The following PCDHA2 variants were observed in gnomAD, a reference collection of about 807,000 sequenced individuals.
PCDHA2 encodes protocadherin alpha 2, also known as protocadherin alpha-2.
In PCDHA2, 58 loss-of-function variants were observed where a neutral mutation model predicts 66.0. That is an observed-to-expected ratio of 0.88 (90% CI 0.71 to 1.09). The LOEUF is 1.09. Among genes scored for constraint, PCDHA2 ranks in the 50% least tolerant of loss-of-function variants. The pLI is 0.00. For synonymous variants in PCDHA2, 634 were observed against 554.0 expected, an observed-to-expected ratio of 1.14 and a Z score of -2.03; for missense variants, 1,267 against 1,242.3, an observed-to-expected ratio of 1.02 and a Z score of -0.30.
intron 1 of PCDHA2, chr5:140,824,610 G>GTTTTTTTTTTTTTTTTTTTTTTTTT (rs782443702): frequency 3.2e-5 from 3 of 95,112 alleles, no homozygotes; most frequent in African/African-American, 9.7e-5. Context: ...GCTAATTAAA[G>GTTTTTTTTTTTTTTTTTTTTTTTTT]TTTTTTTTTT....
intron 3 of PCDHA2, among the ~76,000 whole-genome samples, chr5:140,983,328 T>G (rs1214241110): frequency 6.6e-6 from 1 of 152,218 alleles, no homozygotes; most frequent in East Asian, 1.9e-4. Flanking sequence ...ATTCTTGCCC[T>G]ATCACTAAAG....
At position 140,802,114 on chromosome 5, in the gene PCDHA2, G is replaced by T. The variant is rs370933207; in HGVS notation, c.2388+4762G>T. On this transcript the variant is annotated intron_variant, in intron 1 of 3. Coordinates refer to ENST00000526136, the MANE Select transcript of PCDHA2 (RefSeq NM_018905.3). ...GTCAATGGACAAATCAGTGTAAAGG[G>T]TAACATAGATTTCGAGGAAAGTAAG... is the stretch of plus-strand genomic sequence containing the variant. 11 of 1,614,082 alleles carry T rather than the reference G, an allele frequency of 6.8e-6. No homozygotes were observed. The African/African-American group carries it at 1.2e-4, about 18-fold the overall frequency.
intron 3 of PCDHA2, among the ~76,000 whole-genome samples, chr5:140,994,425 G>A (rs769335292): frequency 5.3e-5 from 8 of 152,118 alleles, no homozygotes; most frequent in African/African-American, 1.7e-4. Context: ...TATTGAGGCC[G>A]GGCGCAGTGG....
Position 140,849,622 on chromosome 5 carries a change from A to G in PCDHA2, c.2388+52270A>G. The G allele has an allele frequency of 1.9e-6, 3 of 1,598,702 alleles. 1 individual carries two copies. The highest frequency in any genetic ancestry group is 2.6e-6 in the Non-Finnish European group (3 of 1,167,960). On this transcript the variant is annotated intron_variant, in intron 1 of 3. Coordinates refer to ENST00000526136, the MANE Select transcript of PCDHA2 (RefSeq NM_018905.3). Reference sequence around the variant, plus strand: ...GTTATTGCCCTGATTAGTGTGATCGACCTAGACGCAGATGCCAACGGGCAG... The same window carrying G: ...GTTATTGCCCTGATTAGTGTGATCGGCCTAGACGCAGATGCCAACGGGCAG...
At chr5:140,937,329 G>T (rs1406340473) in intron 1 of PCDHA2, among the ~76,000 whole-genome samples, 1 of 152,050 alleles carries the variant, frequency 6.6e-6, no homozygotes, top group Admixed American at 6.5e-5. Flanking sequence ...GAGCCACCGC[G>T]CCCGGCTTCT....
intron 1 of PCDHA2, among the ~76,000 whole-genome samples, chr5:140,879,660 G>A (rs994440632): frequency 1.3e-5 from 2 of 152,154 alleles, no homozygotes; most frequent in East Asian, 1.9e-4. Flanking sequence ...TATAACAAAC[G>A]AACACAAACT....
intron 1 of PCDHA2, chr5:140,829,818 C>T: frequency 1.2e-6 from 2 of 1,613,864 alleles, no homozygotes; most frequent in Non-Finnish European, 1.7e-6. Flanking sequence ...ACTGGTGGTG[C>T]AGTGAGCGAG....
At chr5:140,836,422 C>T in intron 1 of PCDHA2, 1 of 1,613,788 alleles carries the variant, frequency 6.2e-7, no homozygotes, top group South Asian at 1.1e-5. Context: ...AAGGCGTCGT[C>T]GCGGGCATCG....
rs782499527 is a variant in PCDHA2, at chr5:140,871,070, C to T, written c.2388+73718C>T. ...GTACTGGTGAAGGATCACGGTGAGC[C>T]GGCGCTGACGGCCACGGCCACCGTG... On this transcript the variant is annotated intron_variant, in intron 1 of 3. Transcript: ENST00000526136. 11 of 1,613,094 alleles carry T rather than the reference C, an allele frequency of 6.8e-6. No homozygotes were observed. The South Asian group carries it at 9.9e-5, about 14-fold the overall frequency.
intron 1 of PCDHA2, among the ~76,000 whole-genome samples, chr5:140,912,832 TA>T (rs1188685241): frequency 1.3e-5 from 2 of 152,202 alleles, no homozygotes; most frequent in African/African-American, 2.4e-5. Context: ...TGAATTTTAT[TA>T]AATGCTTTTT....
intron 1 of PCDHA2, among the ~76,000 whole-genome samples, chr5:140,962,930 C>T (rs2095720492): frequency 6.6e-6 from 1 of 152,144 alleles, no homozygotes; most frequent in Admixed American, 6.5e-5. Context: ...TACTTCTCAA[C>T]CTCCTCTCCA....
At chr5:140,818,348 A>T (rs1554127450) in intron 1 of PCDHA2, among the ~76,000 whole-genome samples, 1 of 152,212 alleles carries the variant, frequency 6.6e-6, no homozygotes, top group Admixed American at 6.5e-5. Context: ...CCACTGTCAA[A>T]GTCATTGATT....
rs542968986 is a variant in PCDHA2, at chr5:141,005,917, A to T, written c.2537-3710A>T. On this transcript the variant is annotated intron_variant, in intron 3 of 3. Transcript: ENST00000526136. ...AGCAATGATTGCACCACTGCACTTCAGCCTGGTTGACAGAGTGAGAACCTA... is the reference window on the plus strand; with the variant it reads ...AGCAATGATTGCACCACTGCACTTCTGCCTGGTTGACAGAGTGAGAACCTA... Among the ~76,000 whole-genome samples the T allele has an allele frequency of 4.5e-4, 69 of 152,156 alleles. No homozygotes were observed. In the South Asian group the frequency reaches 0.013, roughly 28 times the overall value.
At chr5:140,985,290 A>G (rs1471502675) in intron 3 of PCDHA2, among the ~76,000 whole-genome samples, 1 of 152,108 alleles carries the variant, frequency 6.6e-6, no homozygotes, top group Non-Finnish European at 1.5e-5. Flanking sequence ...TCTATGATAT[A>G]GTGTTGGCTG....
At chr5:140,857,723 G>C (rs782731784) in intron 1 of PCDHA2, 1 of 1,597,514 alleles carries the variant, frequency 6.3e-7, no homozygotes, top group Non-Finnish European at 8.6e-7. Flanking sequence ...GGACGAGAAC[G>C]ACAACGCTCC....
intron 1 of PCDHA2, among the ~76,000 whole-genome samples, chr5:140,844,595 AT>A (rs1205514835): frequency 1.2e-4 from 18 of 149,668 alleles, no homozygotes; most frequent in Middle Eastern, 3.5e-3. Context: ...GATATTTAAT[AT>A]ATGACTTAGA....
chr5:140,821,655 G>T, intron 1 of PCDHA2: 1 of 1,121,134 alleles, frequency 8.9e-7, no homozygotes, highest in Non-Finnish European at 1.3e-6. Flanking sequence ...TCCATTTTTG[G>T]CTGTGCCAAG....
At chr5:140,929,228 A>G in intron 1 of PCDHA2, 1 of 1,613,898 alleles carries the variant, frequency 6.2e-7, no homozygotes, top group Non-Finnish European at 8.5e-7. Flanking sequence ...AATGCTGCCG[A>G]CCTGCGAAAT....
At chr5:140,828,498 A>T in intron 1 of PCDHA2, 1 of 1,614,228 alleles carries the variant, frequency 6.2e-7, no homozygotes, top group Middle Eastern at 1.6e-4. Flanking sequence ...TTCCCGGTAG[A>T]GGAACAAAGA....
Sources: gnomAD v4.1 joint callset for allele counts (sites outside exome capture counted in the v4.1 genomes callset) on GRCh38, gnomAD v4.1.1 for gene constraint, MANE v1.5 for transcripts, NCBI Gene and HGNC (gene_info 2026-07-23, HGNC 2026-07-21) for gene names.